Variants in TMEM108 observed in about 807,000 individuals in gnomAD.
TMEM108 encodes the protein transmembrane protein 108.
A neutral mutation model predicts 35.1 loss-of-function variants in TMEM108; 12 were observed. The ratio of observed to expected loss-of-function variants is 0.34; its 90% CI spans 0.22 to 0.55. The LOEUF (loss-of-function observed/expected upper bound fraction) is 0.55, where lower values mean the gene tolerates loss of function less well. Ranked by LOEUF, TMEM108 falls within the 20% of genes least tolerant of loss-of-function variation. The probability of loss-of-function intolerance (pLI) is 0.89; values close to 1 mark genes in which losing one functional copy is unlikely to be tolerated. For missense variants in TMEM108, 680 were observed against 753.3 expected, an observed-to-expected ratio of 0.90 and a Z score of 1.14; for synonymous variants, 287 against 308.6, an observed-to-expected ratio of 0.93 and a Z score of 0.73.
At chr3:133,282,502 G>A (rs536211130) in intron 3 of TMEM108, among the ~76,000 whole-genome samples, 18 of 152,202 alleles carry the variant, frequency 1.2e-4, no homozygotes, top group South Asian at 8.3e-4. Context: ...ACATCTTTGC[G>A]TAAACTCTTC....
At chr3:133,216,082 A>G (rs774511923) in intron 2 of TMEM108, among the ~76,000 whole-genome samples, 7 of 151,672 alleles carry the variant, frequency 4.6e-5, no homozygotes, top group Non-Finnish European at 7.4e-5. Flanking sequence ...TTCCCCAGAG[A>G]TTTCCTGGCT....
chr3:133,148,613 A>G (rs1944754848), intron 2 of TMEM108, among the ~76,000 whole-genome samples: 1 of 152,226 alleles, frequency 6.6e-6, no homozygotes, highest in African/African-American at 2.4e-5. Context: ...ACAGGACTTC[A>G]TCATGATACT....
At chr3:133,078,781 T>C (rs1943775748) in intron 2 of TMEM108, among the ~76,000 whole-genome samples, 1 of 152,216 alleles carries the variant, frequency 6.6e-6, no homozygotes, top group Non-Finnish European at 1.5e-5. Flanking sequence ...TTCTTTCTCT[T>C]TCCCTCTCTG....
At chr3:133,362,776 T>C (rs1370582719) in intron 3 of TMEM108, among the ~76,000 whole-genome samples, 1 of 152,202 alleles carries the variant, frequency 6.6e-6, no homozygotes, top group African/African-American at 2.4e-5. Flanking sequence ...TTGCACTCTC[T>C]CTGAACCTGG....
intron 3 of TMEM108, among the ~76,000 whole-genome samples, chr3:133,233,587 T>C (rs1946188299): frequency 6.6e-6 from 1 of 151,986 alleles, no homozygotes. Context: ...ATGGTATTTC[T>C]AGTTCTAGAT....
At chr3:133,051,770 TA>T (rs545111203) in intron 2 of TMEM108, among the ~76,000 whole-genome samples, 1 of 152,142 alleles carries the variant, frequency 6.6e-6, no homozygotes, top group South Asian at 2.1e-4. Context: ...TGCTTTGTTG[TA>T]CTGCCTTTAC....
intron 2 of TMEM108, among the ~76,000 whole-genome samples, chr3:133,073,506 CTCTCTATA>C (rs1943701390): frequency 3.8e-5 from 3 of 78,994 alleles, no homozygotes; most frequent in South Asian, 4.0e-4. Flanking sequence ...CTCTCTCTCT[CTCTCTATA>C]TATATATATA....
intron 2 of TMEM108, among the ~76,000 whole-genome samples, chr3:133,061,358 C>T (rs1457136533): frequency 2.0e-5 from 3 of 151,940 alleles, no homozygotes; most frequent in Non-Finnish European, 4.4e-5. Flanking sequence ...CTACAGGCGC[C>T]CGCCACCACA....
At chr3:133,064,785 C>T (rs1283263369) in intron 2 of TMEM108, among the ~76,000 whole-genome samples, 5 of 151,406 alleles carry the variant, frequency 3.3e-5, no homozygotes, top group Non-Finnish European at 7.4e-5. Flanking sequence ...GAAGATAATG[C>T]TGATGAAATA....
intron 3 of TMEM108, among the ~76,000 whole-genome samples, chr3:133,312,698 C>A (rs112168005): frequency 6.6e-6 from 1 of 152,230 alleles, no homozygotes; most frequent in Non-Finnish European, 1.5e-5. Context: ...TGAGGCAATG[C>A]CCTGCCCTGC....
At chr3:133,234,591 T>G (rs574347398) in intron 3 of TMEM108, among the ~76,000 whole-genome samples, 69 of 152,216 alleles carry the variant, frequency 4.5e-4, no homozygotes, top group African/African-American at 1.3e-3. Context: ...GGTATTGATG[T>G]GACGTATCTC....
chr3:133,094,221 A>ACCCCCCCCCCCCCCCCCCCC (rs1559830325), intron 2 of TMEM108, among the ~76,000 whole-genome samples: 2 of 34,250 alleles, frequency 5.8e-5, no homozygotes, highest in Non-Finnish European at 1.2e-4. Flanking sequence ...CCCACCTCCC[A>ACCCCCCCCCCCCCCCCCCCC]CCCCACCCCC....
intron 4 of TMEM108, among the ~76,000 whole-genome samples, chr3:133,381,387 G>A (rs1276044484): frequency 6.6e-6 from 1 of 152,190 alleles, no homozygotes; most frequent in African/African-American, 2.4e-5. Context: ...CCCAGGAGCT[G>A]GGGGAGGACC....
At chr3:133,172,856 G>C (rs1225429201) in intron 2 of TMEM108, among the ~76,000 whole-genome samples, 1 of 152,188 alleles carries the variant, frequency 6.6e-6, no homozygotes, top group African/African-American at 2.4e-5. Flanking sequence ...TTCTCATGCT[G>C]TTCTTGTGAT....
intron 3 of TMEM108, among the ~76,000 whole-genome samples, chr3:133,363,480 C>G (rs2072416697): frequency 6.6e-6 from 1 of 151,436 alleles, no homozygotes. Context: ...AGCGTGATCA[C>G]AGTTCACCGC....
intron 2 of TMEM108, among the ~76,000 whole-genome samples, chr3:133,184,852 T>G (rs1945397283): frequency 6.6e-6 from 1 of 152,200 alleles, no homozygotes; most frequent in Non-Finnish European, 1.5e-5. Flanking sequence ...GACAGTTAAA[T>G]GCAGATTAAT....
At chr3:133,293,055 G>C (rs1353141971) in intron 3 of TMEM108, among the ~76,000 whole-genome samples, 1 of 152,050 alleles carries the variant, frequency 6.6e-6, no homozygotes, top group East Asian at 1.9e-4. Context: ...AGAACAATAG[G>C]GAACAGAATT....
intron 2 of TMEM108, among the ~76,000 whole-genome samples, chr3:133,172,948 G>T (rs1576360135): frequency 6.6e-6 from 1 of 152,168 alleles, no homozygotes; most frequent in Non-Finnish European, 1.5e-5. Flanking sequence ...TGCTATTCAG[G>T]TAAGACGTGA....
intron 5 of TMEM108, among the ~76,000 whole-genome samples, chr3:133,390,661 T>C (rs1216822895): frequency 1.3e-5 from 2 of 152,190 alleles, no homozygotes; most frequent in African/African-American, 4.8e-5. Context: ...GATGAGAGCT[T>C]GCTCCTAAGG....
Sources: allele counts gnomAD v4.1 joint callset (sites outside exome capture counted in the v4.1 genomes callset), GRCh38; gene constraint gnomAD v4.1.1; transcripts MANE v1.5; gene names NCBI Gene and HGNC (gene_info 2026-07-23, HGNC 2026-07-21).